The following POLQ variants were observed in gnomAD, a reference collection of about 807,000 sequenced individuals.
POLQ encodes the protein DNA polymerase theta.
POLQ carries 233 observed loss-of-function variants against 259.2 expected under a neutral mutation model. That is an observed-to-expected ratio of 0.90 (90% CI 0.81 to 1.00). The LOEUF (loss-of-function observed/expected upper bound fraction) is 1.00, where lower values mean the gene tolerates loss of function less well. Ranked by LOEUF, POLQ falls within the 50% of genes least tolerant of loss-of-function variation. The pLI is 0.00. For missense variants in POLQ, 2,871 were observed against 3,051.6 expected, an observed-to-expected ratio of 0.94 and a Z score of 1.39; for synonymous variants, 1,025 against 1,048.8, an observed-to-expected ratio of 0.98 and a Z score of 0.44.
At chr3:121,463,293 T>C (rs2047807836) in intron 24 of POLQ, among the ~76,000 whole-genome samples, 1 of 152,196 alleles carries the variant, frequency 6.6e-6, no homozygotes, top group South Asian at 2.1e-4. Context: ...AGCCACCATA[T>C]AAGATGTCAA....
At chr3:121,537,311 T>C (rs905147678) in intron 4 of POLQ, 103 bp from the exon 5 acceptor site, 2 of 688,706 alleles carry the variant, frequency 2.9e-6, no homozygotes, top group Non-Finnish European at 2.6e-6. Flanking sequence ...TTATATCAAC[T>C]TTTATTTTAG....
intron 12 of POLQ, among the ~76,000 whole-genome samples, chr3:121,508,647 G>A (rs540018614): frequency 4.7e-4 from 72 of 152,272 alleles, no homozygotes; most frequent in Admixed American, 1.0e-3. Flanking sequence ...ACAGACCTTT[G>A]AGCCTATTAT....
chr3:121,511,996 T>C lies in POLQ; in HGVS notation c.1502A>G (p.Lys501Arg). Reference sequence around the variant, plus strand: ...CTGAAGGAGAGCTATGCCTTTTGATTTCTCAGAGTTCTTACAAATTAAGAT... The same window carrying C: ...CTGAAGGAGAGCTATGCCTTTTGATCTCTCAGAGTTCTTACAAATTAAGAT... ...ESILICKNSE[K>R]SKGIALLQGS... Residue 501 changes from lysine to arginine, a missense_variant, in exon 10 of 30, where the codon AAA becomes AGA. Coordinates refer to ENST00000264233, the MANE Select transcript of POLQ (RefSeq NM_199420.4). 6.2e-7 allele frequency: 1 copy of C among 1,613,622 alleles called. No homozygotes were observed. The highest frequency in any genetic ancestry group is 8.5e-7 in the Non-Finnish European group (1 of 1,179,686).
intron 26 of POLQ, among the ~76,000 whole-genome samples, chr3:121,442,779 C>A (rs182551514): frequency 2.0e-5 from 3 of 152,152 alleles, no homozygotes; most frequent in Non-Finnish European, 4.4e-5. Flanking sequence ...CTTTTCAGTA[C>A]ACAGATTTCC....
chr3:121,538,075 T>G (rs1286660620), intron 4 of POLQ, among the ~76,000 whole-genome samples: 1 of 152,148 alleles, frequency 6.6e-6, no homozygotes, highest in Non-Finnish European at 1.5e-5. Context: ...TTCACCGAAA[T>G]AAACATACAA....
intron 24 of POLQ, among the ~76,000 whole-genome samples, chr3:121,464,489 A>C (rs1305428627): frequency 1.3e-5 from 2 of 152,228 alleles, no homozygotes; most frequent in Non-Finnish European, 2.9e-5. Flanking sequence ...AAATATTAAA[A>C]ATTTTTAAAA....
chr3:121,530,115 T>C (rs2048400537), intron 6 of POLQ, among the ~76,000 whole-genome samples: 1 of 152,164 alleles, frequency 6.6e-6, no homozygotes, highest in Non-Finnish European at 1.5e-5. Context: ...AGAGACACAT[T>C]AAAATACAGA....
chr3:121,531,410 T>C (rs1393501717), intron 6 of POLQ, among the ~76,000 whole-genome samples: 3 of 152,120 alleles, frequency 2.0e-5, no homozygotes, highest in African/African-American at 7.2e-5. Flanking sequence ...GAAACTCTTG[T>C]TGTATTAAAA....
At chr3:121,517,252 CCTCAA>C (rs1435938096) in intron 9 of POLQ, among the ~76,000 whole-genome samples, 3 of 152,180 alleles carry the variant, frequency 2.0e-5, no homozygotes, top group African/African-American at 7.2e-5. Context: ...CACTCTCTTC[CCTCAA>C]CTCTTTTTAA....
At chr3:121,473,255 G>T in intron 21 of POLQ, 95 bp downstream of exon 21, 2 of 1,083,442 alleles carry the variant, frequency 1.8e-6, no homozygotes, top group Non-Finnish European at 2.6e-6. Context: ...CAAATGGTAG[G>T]CTAAGATGTT....
chr3:121,431,665 A>G lies in POLQ; in HGVS notation c.*639T>C, dbSNP rs1334929423. 1.3e-5 allele frequency: 2 copies of G among 152,680 alleles called. No homozygotes were observed. Among genetic ancestry groups the G allele is most frequent in the Admixed American group, 1.3e-4 (2 of 15,280 alleles). 9.5% of individuals were successfully genotyped at this position (152,680 alleles called of 1,614,324 possible). A position where few individuals can be genotyped will look rare whatever the true frequency, so the allele number is the denominator to read the frequency against. On this transcript the variant is annotated 3_prime_UTR_variant, in exon 30 of 30. Transcript: ENST00000264233. ...CTCTTGAAGAGGTATAGTTTATTTTATAATATGTAAGTATTCCAAATACAT... is the reference window on the plus strand; with the variant it reads ...CTCTTGAAGAGGTATAGTTTATTTTGTAATATGTAAGTATTCCAAATACAT...
In POLQ at chr3:121,491,309, C is replaced by T. The variant is rs566991463; in HGVS notation, c.2523-901G>A. Among the ~76,000 whole-genome samples, 72 of 124,414 alleles carry T rather than the reference C, an allele frequency of 5.8e-4. 1 individual carries two copies. The highest frequency in any genetic ancestry group is 6.6e-3 in the Middle Eastern group (1 of 152). The allele number at this position is 124,414 out of a possible 152,430, so 81.6% of individuals were successfully genotyped here. On this transcript the variant is annotated intron_variant, in intron 15 of 29. Coordinates refer to ENST00000264233, the MANE Select transcript of POLQ (RefSeq NM_199420.4). Reference sequence around the variant, plus strand: ...CAGAGGTTGCAGTGAGCCGAGATTACGCCATTGCACTCCAGGGCGACAGAG... The same window carrying T: ...CAGAGGTTGCAGTGAGCCGAGATTATGCCATTGCACTCCAGGGCGACAGAG...
rs2047576975 is a variant in POLQ, at chr3:121,440,011, T to C, written c.7370A>G (p.Asn2457Ser). ...ACATACGTGAGCTTTACGATAAGGG[T>C]TGTTGTCTTTGATTCCTGGCAAATA... Reference protein sequence around the residue: ...RRYLPGIKDNNPYRKAHAERQ... With the variant: ...RRYLPGIKDNSPYRKAHAERQ... Residue 2457 changes from asparagine to serine, a missense_variant, in exon 27 of 30, where the codon AAC (asparagine) becomes AGC (serine). Around this residue, in one of 3 missense-constraint regions of POLQ, gnomAD observed 2,080 missense variants for 2,126.0 expected, o/e 0.98. Coordinates refer to ENST00000264233, the MANE Select transcript of POLQ (RefSeq NM_199420.4). 6.2e-7 allele frequency: 1 copy of C among 1,613,674 alleles called. No homozygotes were observed. The highest frequency in any genetic ancestry group is 8.5e-7 in the Non-Finnish European group (1 of 1,179,678).
At chr3:121,454,422 A>C (rs1454443312) in intron 25 of POLQ, among the ~76,000 whole-genome samples, 1 of 152,266 alleles carries the variant, frequency 6.6e-6, no homozygotes, top group Admixed American at 6.5e-5. Context: ...GCTCCAATTA[A>C]AAGACACAGA....
chr3:121,443,484 A>ATT (rs1448814890), intron 26 of POLQ, among the ~76,000 whole-genome samples: 17 of 152,126 alleles, frequency 1.1e-4, no homozygotes, highest in Admixed American at 1.1e-3. Flanking sequence ...AGCTCCTCAT[A>ATT]TATTCTGCTT....
In POLQ at chr3:121,504,905, T is replaced by A. The variant is rs185243895; in HGVS notation, c.1959+4656A>T. ...CCGGGGGACTGTTGGGAAGGGATGA[T>A]TGTATTTTGGAATGTGAGAAGGTCA... On this transcript the variant is annotated intron_variant, in intron 12 of 29. Transcript: ENST00000264233. Among the ~76,000 whole-genome samples the A allele has an allele frequency of 4.6e-5, 7 of 152,136 alleles. No homozygotes were observed. The East Asian group carries it at 1.4e-3, about 29-fold the overall frequency.
At chr3:121,467,696 A>G (rs1381058) in intron 23 of POLQ, 56 bp from the exon 24 acceptor site, 1,014,358 of 1,558,544 alleles carry the variant, frequency 0.65, 333,950 homozygotes, top group East Asian at 0.89. Flanking sequence ...ATATATGAAA[A>G]AGGTCTGATT....
intron 4 of POLQ, among the ~76,000 whole-genome samples, chr3:121,538,737 A>G (rs890205398): frequency 7.9e-5 from 12 of 152,088 alleles, no homozygotes; most frequent in African/African-American, 2.7e-4. Context: ...ATACAAATCA[A>G]TTGCAATTTC....
chr3:121,524,937 T>TACACACACACAC (rs33965431), intron 7 of POLQ, among the ~76,000 whole-genome samples: 4 of 148,636 alleles, frequency 2.7e-5, no homozygotes, highest in African/African-American at 1.0e-4. Flanking sequence ...TGTGTATAAA[T>TACACACACACAC]ACACACACAC....
Sources: allele counts gnomAD v4.1 joint callset (sites outside exome capture counted in the v4.1 genomes callset), GRCh38; gene constraint gnomAD v4.1.1; regional missense constraint gnomAD v4.1.1; transcripts MANE v1.5; gene names NCBI Gene and HGNC (gene_info 2026-07-23, HGNC 2026-07-21).